The following EBF2 variants were observed in gnomAD, a reference collection of about 807,000 sequenced individuals.
EBF2 encodes transcription factor COE2.
Under a neutral mutation model 72.8 loss-of-function variants are expected in EBF2, and 21 were observed. The observed-to-expected ratio is 0.29, with a 90% CI of 0.20 to 0.42. The LOEUF (loss-of-function observed/expected upper bound fraction) is 0.42. Ranked by LOEUF, EBF2 falls within the 10% of genes least tolerant of loss-of-function variation. EBF2 has a pLI of 1.00. For synonymous variants in EBF2, 299 were observed against 274.2 expected (o/e 1.09, Z -0.89); for missense variants, 637 against 731.2 (o/e 0.87, Z 1.49).
intron 6 of EBF2, among the ~76,000 whole-genome samples, chr8:25,993,446 G>C (rs1804576396): frequency 6.6e-6 from 1 of 152,162 alleles, no homozygotes; most frequent in South Asian, 2.1e-4. Context: ...TAGCAACACT[G>C]AAAATTACTT....
intron 6 of EBF2, among the ~76,000 whole-genome samples, chr8:26,012,090 T>C (rs554035438): frequency 3.9e-5 from 6 of 152,328 alleles, no homozygotes; most frequent in Non-Finnish European, 5.9e-5. Context: ...TCATGCCCTG[T>C]TTATTTTTTC....
intron 6 of EBF2, among the ~76,000 whole-genome samples, chr8:25,916,384 A>G (rs182748427): frequency 6.6e-6 from 1 of 152,220 alleles, no homozygotes; most frequent in Non-Finnish European, 1.5e-5. Context: ...TTATTCATGC[A>G]AAGTGTTTGG....
At chr8:25,890,248 G>A (rs1225786046) in intron 7 of EBF2, among the ~76,000 whole-genome samples, 1 of 152,230 alleles carries the variant, frequency 6.6e-6, no homozygotes, top group Non-Finnish European at 1.5e-5. Flanking sequence ...ACGCCAGCTG[G>A]AAAGTCACTT....
intron 5 of EBF2, among the ~76,000 whole-genome samples, chr8:26,039,653 G>A (rs1445691289): frequency 6.6e-6 from 1 of 152,274 alleles, no homozygotes. Context: ...GTAACTCCAA[G>A]TGGAGTTACT....
Position 26,044,548 on chromosome 8 carries a change from T to C in EBF2, c.131+181A>G, listed in dbSNP as rs894109211. Among the ~76,000 whole-genome samples the C allele has an allele frequency of 8.5e-5, 13 of 152,140 alleles. No individual in the cohort carries two copies. Among genetic ancestry groups the C allele is most frequent in the Non-Finnish European group, 1.6e-4 (11 of 67,996 alleles). On this transcript the variant is annotated intron_variant, in intron 1 of 15. Coordinates refer to ENST00000520164, the MANE Select transcript of EBF2 (RefSeq NM_022659.4). This position sits in a 1 kb window ranked among gnomAD's most constrained non-coding sequence, Gnocchi z 4.1. ...AGGAACTCGAGTGCCGGCTGCCGGG[T>C]GAGCGTTCGCCTGACTGCAGCGATC...
At chr8:26,043,470 C>T (rs895110304) in intron 1 of EBF2, among the ~76,000 whole-genome samples, 1 of 152,364 alleles carries the variant, frequency 6.6e-6, no homozygotes, top group South Asian at 2.1e-4. Context: ...GTTGGCTCTG[C>T]GGTGCTGCCT....
intron 6 of EBF2, among the ~76,000 whole-genome samples, chr8:25,981,860 T>C (rs959525149): frequency 1.3e-5 from 2 of 152,046 alleles, no homozygotes; most frequent in African/African-American, 4.8e-5. Context: ...AGATGCCCAG[T>C]TCTCCTTTCC....
intron 6 of EBF2, among the ~76,000 whole-genome samples, chr8:25,938,332 A>G (rs1197851174): frequency 1.3e-5 from 2 of 151,594 alleles, no homozygotes; most frequent in African/African-American, 2.4e-5. Flanking sequence ...ATTCTTAGTA[A>G]GAATGTTCCT....
At chr8:25,965,297 G>A (rs747159354) in intron 6 of EBF2, among the ~76,000 whole-genome samples, 17 of 152,018 alleles carry the variant, frequency 1.1e-4, no homozygotes, top group Non-Finnish European at 1.8e-4. Context: ...AGTCTATAAC[G>A]ATTTTGTGTA....
Position 26,005,557 on chromosome 8 carries a change from T to TAGAGAGAG in EBF2, c.551+27527_551+27528insCTCTCTCT, listed in dbSNP as rs1480763824. Among the ~76,000 whole-genome samples, 119 of 45,062 alleles carry TAGAGAGAG rather than the reference T, an allele frequency of 2.6e-3. 1 individual carries two copies. Among genetic ancestry groups the TAGAGAGAG allele is most frequent in the Middle Eastern group, 0.031 (2 of 64 alleles). The allele number at this position is 45,062 out of a possible 152,430, so 29.6% of individuals were successfully genotyped here. On this transcript the variant is annotated intron_variant, in intron 6 of 15. Coordinates refer to ENST00000520164, the MANE Select transcript of EBF2 (RefSeq NM_022659.4). Reference sequence around the variant, plus strand: ...TATATATATTTTATATATATATATATATATAGAGAGAGAGAGAGAGAGGTA... The same window carrying TAGAGAGAG: ...TATATATATTTTATATATATATATATAGAGAGAGATATAGAGAGAGAGAGAGAGAGGTA...
chr8:25,936,973 G>A (rs1384839460), intron 6 of EBF2, among the ~76,000 whole-genome samples: 2 of 152,120 alleles, frequency 1.3e-5, no homozygotes, highest in East Asian at 1.9e-4. Context: ...AAAAAGAAAA[G>A]CTTTTATTGA....
chr8:25,919,813 A>T (rs545192870), intron 6 of EBF2, among the ~76,000 whole-genome samples: 10 of 152,284 alleles, frequency 6.6e-5, no homozygotes, highest in Middle Eastern at 3.4e-3. Flanking sequence ...TGGAAGGAGA[A>T]CCCAGCAACC....
chr8:25,883,307 G>A (rs1802632758), intron 10 of EBF2, among the ~76,000 whole-genome samples: 1 of 152,058 alleles, frequency 6.6e-6, no homozygotes, highest in East Asian at 1.9e-4. Flanking sequence ...CCTCTGGGAA[G>A]CCTTCCCTGA....
At chr8:26,020,138 G>A (rs1006780893) in intron 6 of EBF2, among the ~76,000 whole-genome samples, 3 of 152,206 alleles carry the variant, frequency 2.0e-5, no homozygotes, top group Non-Finnish European at 2.9e-5. Context: ...TCCAGTCTCA[G>A]TGATGGGAAT....
At chr8:25,963,759 T>C (rs1804072656) in intron 6 of EBF2, among the ~76,000 whole-genome samples, 1 of 152,190 alleles carries the variant, frequency 6.6e-6, no homozygotes, top group Non-Finnish European at 1.5e-5. Flanking sequence ...TCAAGTATGC[T>C]TGAATAAATA....
At chr8:25,990,022 T>C (rs1279302792) in intron 6 of EBF2, among the ~76,000 whole-genome samples, 1 of 152,178 alleles carries the variant, frequency 6.6e-6, no homozygotes, top group Non-Finnish European at 1.5e-5. Context: ...CCTTGAAGGT[T>C]GCAGTAGAAA....
intron 10 of EBF2, among the ~76,000 whole-genome samples, chr8:25,878,040 G>A (rs1484777015): frequency 1.3e-5 from 2 of 152,144 alleles, no homozygotes; most frequent in Non-Finnish European, 2.9e-5. Context: ...TACAGATGAT[G>A]GAAATGAGGC....
At chr8:25,928,782 G>GGAA (rs372072422) in intron 6 of EBF2, among the ~76,000 whole-genome samples, 3 of 110,374 alleles carry the variant, frequency 2.7e-5, no homozygotes, top group African/African-American at 7.4e-5. Context: ...ATTTTTAAAT[G>GGAA]AAAAAAAAAA....
At chr8:25,983,884 G>A (rs570897372) in intron 6 of EBF2, among the ~76,000 whole-genome samples, 18 of 152,202 alleles carry the variant, frequency 1.2e-4, no homozygotes, top group Non-Finnish European at 2.6e-4. Flanking sequence ...ATCCTTCCAC[G>A]TCAGTGGGGC....
Sources: gnomAD v4.1 joint callset for allele counts (sites outside exome capture counted in the v4.1 genomes callset) on GRCh38, gnomAD v4.1.1 for gene constraint, Gnocchi (gnomAD v3.1) non-coding constraint, MANE v1.5 for transcripts, NCBI Gene and HGNC (gene_info 2026-07-23, HGNC 2026-07-21) for gene names.